The following SCHIP1 variants were observed in gnomAD, a reference collection of about 807,000 sequenced individuals.
SCHIP1 encodes schwannomin-interacting protein 1.
SCHIP1 carries 8 observed loss-of-function variants against 29.7 expected under a neutral mutation model. That is an observed-to-expected ratio of 0.27 (90% CI 0.16 to 0.49). The LOEUF is 0.49. SCHIP1 is among the 20% of genes least tolerant of loss of function. The pLI is 0.99. For synonymous variants in SCHIP1, 76 were observed against 94.9 expected, an observed-to-expected ratio of 0.80 and a Z score of 1.16; for missense variants, 193 against 294.6, an observed-to-expected ratio of 0.66 and a Z score of 2.52.
the SCHIP1 span, chr3:159,273,807 A>G: frequency 8.7e-6 from 14 of 1,613,166 alleles, no homozygotes; most frequent in East Asian, 4.5e-5. Context: ...GGGCAAGAGT[A>G]ACTCTTCAGC....
the SCHIP1 span, among the ~76,000 whole-genome samples, chr3:159,684,430 T>G: frequency 6.6e-6 from 1 of 152,078 alleles, no homozygotes; most frequent in Non-Finnish European, 1.5e-5. Context: ...GAAAGGTGAG[T>G]AATACTTTCT....
the SCHIP1 span, among the ~76,000 whole-genome samples, chr3:159,356,208 TAA>T: frequency 3.5e-5 from 5 of 144,790 alleles, no homozygotes; most frequent in African/African-American, 1.2e-4. Flanking sequence ...TAAAGTATAA[TAA>T]AAAAAAAAAG....
At chr3:159,837,541 G>A (rs1207563364), upstream of SCHIP1, among the ~76,000 whole-genome samples, 1 of 152,114 alleles carries the variant, frequency 6.6e-6, no homozygotes, top group Non-Finnish European at 1.5e-5. Context: ...TGGCCAACAA[G>A]GTGAAACCGT....
the SCHIP1 span, among the ~76,000 whole-genome samples, chr3:159,325,552 C>G: frequency 6.6e-6 from 1 of 152,038 alleles, no homozygotes; most frequent in Non-Finnish European, 1.5e-5. Context: ...ATCCAAATGG[C>G]CTTTTAATCT....
intron 2 of SCHIP1, among the ~76,000 whole-genome samples, chr3:159,867,860 C>T (rs1053939164): frequency 1.3e-5 from 2 of 151,866 alleles, no homozygotes; most frequent in Non-Finnish European, 2.9e-5. Flanking sequence ...TCTGCTACTG[C>T]TCTCTAATAT....
At chr3:159,853,617 A>G (rs961000412) in intron 1 of SCHIP1, among the ~76,000 whole-genome samples, 1 of 152,238 alleles carries the variant, frequency 6.6e-6, no homozygotes, top group Admixed American at 6.5e-5. Context: ...TAAGCTAGGA[A>G]AGTTCTTTCT....
the SCHIP1 span, among the ~76,000 whole-genome samples, chr3:159,426,240 C>T: frequency 6.6e-6 from 1 of 151,796 alleles, no homozygotes; most frequent in Non-Finnish European, 1.5e-5. Flanking sequence ...TTAATGAATC[C>T]AGGAGATGGT....
chr3:159,296,130 T>C, the SCHIP1 span, among the ~76,000 whole-genome samples: 2 of 143,830 alleles, frequency 1.4e-5, no homozygotes, highest in African/African-American at 2.5e-5. Context: ...TCAGGGATTA[T>C]GCTTGCTGCT....
the SCHIP1 span, among the ~76,000 whole-genome samples, chr3:159,653,782 G>A: frequency 6.6e-6 from 1 of 150,710 alleles, no homozygotes; most frequent in East Asian, 1.9e-4. Context: ...TGATAGATCA[G>A]TAGGTGAATC....
the SCHIP1 span, among the ~76,000 whole-genome samples, chr3:159,427,552 A>C: frequency 6.6e-6 from 1 of 152,308 alleles, no homozygotes; most frequent in African/African-American, 2.4e-5. Context: ...AGAGAATACA[A>C]ACAAATGGAA....
the SCHIP1 span, among the ~76,000 whole-genome samples, chr3:159,283,447 T>C: frequency 1.3e-5 from 2 of 152,136 alleles, no homozygotes; most frequent in Non-Finnish European, 2.9e-5. Flanking sequence ...TGAACCATCA[T>C]GCCCGGCATA....
chr3:159,777,815 A>G, the SCHIP1 span, among the ~76,000 whole-genome samples: 1 of 152,312 alleles, frequency 6.6e-6, no homozygotes, highest in East Asian at 1.9e-4. Flanking sequence ...TTGAGACTTT[A>G]TTTAATTTTA....
intron 2 of SCHIP1, among the ~76,000 whole-genome samples, chr3:159,883,595 CAA>C (rs1383589319): frequency 1.3e-5 from 2 of 152,122 alleles, no homozygotes; most frequent in African/African-American, 2.4e-5. Flanking sequence ...TAAAAGCAAA[CAA>C]ATCCTTCTTG....
At chr3:159,762,313 A>G in the SCHIP1 span, among the ~76,000 whole-genome samples, 4 of 152,188 alleles carry the variant, frequency 2.6e-5, no homozygotes, top group African/African-American at 9.7e-5. Context: ...GAGGAGTTGA[A>G]AGGTTAGATT....
the SCHIP1 span, among the ~76,000 whole-genome samples, chr3:159,673,347 G>C: frequency 6.6e-6 from 1 of 152,182 alleles, no homozygotes; most frequent in African/African-American, 2.4e-5. Context: ...AAAATGCACT[G>C]ATCCTGTATC....
chr3:159,473,232 C>T, the SCHIP1 span, among the ~76,000 whole-genome samples: 2 of 152,028 alleles, frequency 1.3e-5, no homozygotes, highest in South Asian at 2.1e-4. Context: ...ACAGAAGAGA[C>T]AATTTACTGT....
At chr3:159,498,070 T>C in the SCHIP1 span, among the ~76,000 whole-genome samples, 1 of 152,204 alleles carries the variant, frequency 6.6e-6, no homozygotes, top group Non-Finnish European at 1.5e-5. Context: ...CTATGTATTA[T>C]ACATTCAAAT....
chr3:159,884,208 C>G (rs895272598), intron 2 of SCHIP1, among the ~76,000 whole-genome samples: 23 of 151,892 alleles, frequency 1.5e-4, no homozygotes, highest in African/African-American at 5.3e-4. Flanking sequence ...ATCCATAGAA[C>G]TTGAGTATTA....
chr3:159,806,760 T>G, the SCHIP1 span, among the ~76,000 whole-genome samples: 1 of 152,224 alleles, frequency 6.6e-6, no homozygotes, highest in East Asian at 1.9e-4. Context: ...ACTCGCGTGG[T>G]GCCTGTAAGA....
Sources: allele counts gnomAD v4.1 joint callset (sites outside exome capture counted in the v4.1 genomes callset), GRCh38; gene constraint gnomAD v4.1.1; transcripts MANE v1.5; gene names NCBI Gene and HGNC (gene_info 2026-07-23, HGNC 2026-07-21).